Variants in SLC1A7 observed in about 807,000 individuals in gnomAD.
SLC1A7 encodes the protein solute carrier family 1 member 7, also known as excitatory amino acid transporter 5.
Under a neutral mutation model 47.7 loss-of-function variants are expected in SLC1A7, and 40 were observed. The ratio of observed to expected loss-of-function variants is 0.84; its 90% CI spans 0.65 to 1.09. SLC1A7 has a LOEUF of 1.09. Among genes scored for constraint, SLC1A7 ranks in the 50% least tolerant of loss-of-function variants. SLC1A7 has a pLI of 0.00. For missense variants in SLC1A7, 746 were observed against 769.5 expected (o/e 0.97, Z 0.36); for synonymous variants, 323 against 325.6 (o/e 0.99, Z 0.09).
chr1:53,093,330 G>A (rs528773540), intron 6 of SLC1A7, 131 bp downstream of exon 6: 7 of 733,124 alleles, frequency 9.5e-6, no homozygotes, highest in African/African-American at 3.5e-5. Flanking sequence ...ATGTAGCTCC[G>A]GAGGCCCCGG....
chr1:53,100,848 C>G (rs1644567721), intron 5 of SLC1A7, among the ~76,000 whole-genome samples: 1 of 150,372 alleles, frequency 6.7e-6, no homozygotes, highest in Admixed American at 6.6e-5. Flanking sequence ...CACTGCCATA[C>G]CCCGCCTCAG....
rs572065849 is a variant in SLC1A7 at position 53,097,131 on chromosome 1, A to T, written c.698-3571T>A. Among the ~76,000 whole-genome samples, 20 of 150,278 alleles carry T rather than the reference A, an allele frequency of 1.3e-4. No homozygotes were observed. In the East Asian group the frequency reaches 4.0e-3, roughly 30 times the overall value. The stretch of plus-strand genomic sequence containing the variant: ...TCACAGAACCCGCCTCAGTACACCT[A>T]CACGCCCCGCCTTGGTAGACTCACA... On this transcript the variant is annotated intron_variant, in intron 5 of 10. Coordinates refer to ENST00000371494, the MANE Select transcript of SLC1A7 (RefSeq NM_006671.6).
chr1:53,089,000 G>A, intron 9 of SLC1A7, 21 bp from the exon 10 acceptor site: 3 of 1,597,934 alleles, frequency 1.9e-6, no homozygotes, highest in African/African-American at 1.3e-5. Flanking sequence ...AAGGTTGGGG[G>A]TGAGTGGTGG....
intron 2 of SLC1A7, among the ~76,000 whole-genome samples, chr1:53,117,967 G>C (rs918569254): frequency 6.6e-6 from 1 of 152,266 alleles, no homozygotes; most frequent in Non-Finnish European, 1.5e-5. Context: ...CACAAATGGC[G>C]GAAGGGAGAG....
intron 2 of SLC1A7, among the ~76,000 whole-genome samples, chr1:53,126,200 C>A (rs1644880003): frequency 6.6e-6 from 1 of 152,222 alleles, no homozygotes; most frequent in South Asian, 2.1e-4. Context: ...TAGAAACTCT[C>A]TGGCTTCAGG....
intron 4 of SLC1A7, 125 bp from the exon 5 acceptor site, chr1:53,103,693 A>C: frequency 1.7e-6 from 1 of 588,564 alleles, no homozygotes; most frequent in Non-Finnish European, 2.9e-6. Flanking sequence ...ATTGACAGTA[A>C]CCCTGTGAGG....
intron 2 of SLC1A7, chr1:53,118,414 TG>T (rs1644785522): frequency 6.6e-6 from 1 of 152,218 alleles, no homozygotes; most frequent in South Asian, 2.1e-4. Context: ...CGTCTTCTTG[TG>T]TGATGGAGAT....
At chr1:53,118,731 C>G (rs1210343791) in intron 2 of SLC1A7, 1 of 152,204 alleles carries the variant, frequency 6.6e-6, no homozygotes, top group African/African-American at 2.4e-5. Flanking sequence ...GGCACGGTGG[C>G]TCATGCCTAT....
Position 53,103,386 on chromosome 1 carries a change from G to A in SLC1A7, c.657C>T (p.Gly219=). The change falls in exon 5 of 11, where the codon GGC becomes GGT. Residue 219 remains glycine (G), a synonymous_variant. Coordinates refer to ENST00000371494, the MANE Select transcript of SLC1A7 (RefSeq NM_006671.6). ...AGAAGACGATGCCCAGCACATTCAT[G>A]CCATCGCTGGTGCCCGGCTCTGACT... ...VYKSEPGTSD[G]MNVLGIVFFS... The A allele has an allele frequency of 6.2e-7, 1 of 1,610,000 alleles. No individual in the cohort carries two copies. The highest frequency in any genetic ancestry group is 8.5e-7 in the Non-Finnish European group (1 of 1,178,734).
intron 5 of SLC1A7, among the ~76,000 whole-genome samples, chr1:53,097,086 C>T (rs112423029): frequency 2.7e-3 from 412 of 151,636 alleles, no homozygotes; most frequent in Non-Finnish European, 3.8e-3. Context: ...AGTACGCTCA[C>T]ACACACTGCC....
Position 53,089,843 on chromosome 1 carries a change from G to C in SLC1A7, c.1318C>G (p.Pro440Ala), listed in dbSNP as rs1557664916. The C allele has an allele frequency of 6.2e-7, 1 of 1,613,912 alleles. No individual in the cohort carries two copies. Among genetic ancestry groups the C allele is most frequent in the Non-Finnish European group, 8.5e-7 (1 of 1,179,988 alleles). Residue 440 changes from proline to alanine, a missense_variant, in exon 9 of 11, where the codon CCC becomes GCC. Transcript: ENST00000371494. ...ATGATGAGGGTGATGTCATCGGTGG[G>C]CAGTCCCACGGAGGTGAGCACGATG... ...MVIVLTSVGL[P>A]TDDITLIIAV... is the part of the protein sequence containing the mutation.
intron 4 of SLC1A7, 60 bp from the exon 5 acceptor site, chr1:53,103,628 C>A: frequency 1.0e-6 from 1 of 995,894 alleles, no homozygotes; most frequent in Non-Finnish European, 1.5e-6. Context: ...CTAATATTAA[C>A]GACAACAATA....
intron 2 of SLC1A7, among the ~76,000 whole-genome samples, chr1:53,124,677 C>T (rs1363329578): frequency 2.0e-5 from 3 of 151,890 alleles, no homozygotes; most frequent in Admixed American, 2.0e-4. Context: ...ACACAGAGCA[C>T]CTGCCGGGAC....
At chr1:53,115,117 C>A (rs1210441198) in intron 2 of SLC1A7, 144 bp from the exon 3 acceptor site, 11 of 658,758 alleles carry the variant, frequency 1.7e-5, no homozygotes, top group Middle Eastern at 4.0e-4. Flanking sequence ...CAGTCCTGTG[C>A]TCCTTCCAGC....
In SLC1A7 at chr1:53,142,298, T is replaced by C; in HGVS notation, c.135+17A>G. 6.4e-7 allele frequency: 1 copy of C among 1,552,170 alleles called. No individual in the cohort carries two copies. The highest frequency in any genetic ancestry group is 8.7e-7 in the Non-Finnish European group (1 of 1,147,348). On this transcript the variant is annotated intron_variant, in intron 1 of 10. Transcript: ENST00000371494. ...CCCCTCCTGGACAGGGGTCCCGAGA[T>C]GCTCTGGGTGGCTGACCTGTGGTGA...
At chr1:53,095,100 C>A (rs750434164) in intron 5 of SLC1A7, among the ~76,000 whole-genome samples, 1 of 152,144 alleles carries the variant, frequency 6.6e-6, no homozygotes, top group South Asian at 2.1e-4. Flanking sequence ...GACACAGGCA[C>A]GGAAAGACCA....
At chr1:53,116,757 A>T (rs1007716307) in intron 2 of SLC1A7, among the ~76,000 whole-genome samples, 2 of 152,226 alleles carry the variant, frequency 1.3e-5, no homozygotes, top group African/African-American at 4.8e-5. Context: ...GCCCTGCCTG[A>T]GGTCACACAG....
rs1238606886 is a variant in SLC1A7 at position 53,124,254 on chromosome 1, ACAC to A, written c.216-9284_216-9282del. Among the ~76,000 whole-genome samples, 414 of 150,530 alleles carry A rather than the reference ACAC, an allele frequency of 2.8e-3. 6 individuals carry two copies. Among genetic ancestry groups the A allele is most frequent in the African/African-American group, 3.0e-3 (124 of 40,758 alleles). ...AAGGAAAACAATACATACACAACACACACACACACACACACACACACACACACA... is the reference window on the plus strand; with the variant it reads ...AAGGAAAACAATACATACACAACACAACACACACACACACACACACACACA... On this transcript the variant is annotated intron_variant, in intron 2 of 10. Transcript: ENST00000371494.
intron 7 of SLC1A7, among the ~76,000 whole-genome samples, chr1:53,091,322 A>G (rs1241868445): frequency 1.3e-5 from 2 of 152,218 alleles, no homozygotes; most frequent in African/African-American, 4.8e-5. Flanking sequence ...GAGAGTTCCC[A>G]GTGGCAGTGC....
Sources: gnomAD v4.1 joint callset for allele counts (sites outside exome capture counted in the v4.1 genomes callset) on GRCh38, gnomAD v4.1.1 for gene constraint, MANE v1.5 for transcripts, NCBI Gene and HGNC (gene_info 2026-07-23, HGNC 2026-07-21) for gene names.